PDE11A: variants seen among roughly 807,000 people sequenced by gnomAD.
PDE11A encodes the protein phosphodiesterase 11A.
A neutral mutation model predicts 100.5 loss-of-function variants in PDE11A; 100 were observed. The ratio of observed to expected loss-of-function variants is 1.00; its 90% confidence interval spans 0.85 to 1.18. PDE11A has a LOEUF of 1.18. Among genes scored for constraint, PDE11A ranks in the 50% most tolerant of loss-of-function variants. The pLI, the probability that PDE11A is intolerant of heterozygous loss-of-function variation, is 0.00. For missense variants in PDE11A, 1,141 were observed against 1,152.6 expected (o/e 0.99, Z 0.15); for synonymous variants, 381 against 420.8 (o/e 0.91, Z 1.16).
At chr2:177,654,247 C>A (rs908328350) in intron 19 of PDE11A, among the ~76,000 whole-genome samples, 7 of 152,290 alleles carry the variant, frequency 4.6e-5, no homozygotes, top group South Asian at 2.1e-4. Flanking sequence ...AAGTTGGATG[C>A]GGTGGCTCAT....
At chr2:177,803,805 A>G (rs1362948313) in intron 9 of PDE11A, among the ~76,000 whole-genome samples, 1 of 152,042 alleles carries the variant, frequency 6.6e-6, no homozygotes, top group East Asian at 1.9e-4. Flanking sequence ...ACATACCTCA[A>G]CATAATAAAA....
At chr2:177,936,854 G>A (rs978254537) in intron 2 of PDE11A, among the ~76,000 whole-genome samples, 1 of 152,044 alleles carries the variant, frequency 6.6e-6, no homozygotes, top group African/African-American at 2.4e-5. Context: ...CCAAGAGGTG[G>A]GAGGTTGCAG....
chr2:177,829,957 G>T (rs1025542121), intron 6 of PDE11A, among the ~76,000 whole-genome samples: 1 of 152,064 alleles, frequency 6.6e-6, no homozygotes, highest in East Asian at 1.9e-4. Flanking sequence ...AAGCCACTCC[G>T]GACATGAGGT....
At chr2:177,693,770 T>C (rs1374694226) in intron 15 of PDE11A, among the ~76,000 whole-genome samples, 1 of 152,238 alleles carries the variant, frequency 6.6e-6, no homozygotes, top group Non-Finnish European at 1.5e-5. Context: ...GTTTTACCAA[T>C]AATGAGTTAT....
intron 9 of PDE11A, among the ~76,000 whole-genome samples, chr2:177,780,359 T>C (rs548679909): frequency 1.5e-4 from 23 of 152,310 alleles, no homozygotes; most frequent in Admixed American, 3.3e-4. Flanking sequence ...TAGCTGGGAC[T>C]ACAGGTGTAC....
At chr2:178,046,715 T>C (rs952682510) in intron 1 of PDE11A, among the ~76,000 whole-genome samples, 3 of 152,204 alleles carry the variant, frequency 2.0e-5, no homozygotes, top group Admixed American at 6.5e-5. Context: ...AGTTCCCTTG[T>C]AGATTCTCTT....
intron 9 of PDE11A, among the ~76,000 whole-genome samples, chr2:177,778,306 C>T (rs890086305): frequency 6.6e-6 from 1 of 152,168 alleles, no homozygotes. Flanking sequence ...CCTCTTGCAC[C>T]AATTGTCTTG....
chr2:177,812,709 TATGGAGAAAGAG>T (rs2105572344), intron 9 of PDE11A, among the ~76,000 whole-genome samples: 1 of 152,126 alleles, frequency 6.6e-6, no homozygotes, highest in South Asian at 2.1e-4. Context: ...GGGAAATACC[TATGGAGAAAGAG>T]ATGCCCCTTG....
intron 5 of PDE11A, among the ~76,000 whole-genome samples, chr2:177,858,810 A>G (rs563945015): frequency 2.6e-5 from 4 of 152,098 alleles, no homozygotes; most frequent in Non-Finnish European, 4.4e-5. Context: ...TGTTTACTGC[A>G]GCACTATTCA....
At chr2:178,024,929 C>A (rs1012227838) in intron 1 of PDE11A, among the ~76,000 whole-genome samples, 14 of 152,152 alleles carry the variant, frequency 9.2e-5, no homozygotes, top group African/African-American at 2.7e-4. Context: ...ATTATTCTTA[C>A]TTTCTTCATA....
At chr2:177,755,462 G>T (rs1029674705) in intron 10 of PDE11A, among the ~76,000 whole-genome samples, 18 of 152,188 alleles carry the variant, frequency 1.2e-4, no homozygotes, top group African/African-American at 4.3e-4. Context: ...AGGGCATGGG[G>T]TCATGCAAAA....
At chr2:177,674,155 T>C (rs570172317) in intron 17 of PDE11A, among the ~76,000 whole-genome samples, 58 of 152,368 alleles carry the variant, frequency 3.8e-4, no homozygotes, top group African/African-American at 1.3e-3. Context: ...TGCTAGAATC[T>C]ATACCTAGCT....
At chr2:177,730,351 T>C (rs2105450530) in intron 10 of PDE11A, among the ~76,000 whole-genome samples, 1 of 152,312 alleles carries the variant, frequency 6.6e-6, no homozygotes, top group East Asian at 1.9e-4. Flanking sequence ...CTTTTCTTAA[T>C]TGGAAAATTA....
chr2:177,920,494 G>A (rs1304611004), intron 2 of PDE11A, among the ~76,000 whole-genome samples: 1 of 151,926 alleles, frequency 6.6e-6, no homozygotes, highest in African/African-American at 2.4e-5. Flanking sequence ...CTACTATATT[G>A]ACAAATATTA....
At chr2:177,872,748 C>T (rs866239765) in intron 5 of PDE11A, among the ~76,000 whole-genome samples, 1 of 152,132 alleles carries the variant, frequency 6.6e-6, no homozygotes, top group African/African-American at 2.4e-5. Flanking sequence ...AAAGATCAGA[C>T]TGTGAGATCA....
At chr2:177,758,112 C>T (rs1265690050) in intron 10 of PDE11A, among the ~76,000 whole-genome samples, 21 of 149,476 alleles carry the variant, frequency 1.4e-4, no homozygotes, top group Admixed American at 7.3e-4. Context: ...CTGGCTAACA[C>T]GGTGAAACCC....
chr2:177,875,966 T>C (rs764473436), intron 4 of PDE11A, 43 bp from the exon 5 acceptor site: 33 of 1,100,650 alleles, frequency 3.0e-5, no homozygotes, highest in Non-Finnish European at 4.5e-5. Flanking sequence ...ATTAAAGCTT[T>C]ATTGCCGTTT....
chr2:178,003,722 T>C (rs2086171999), intron 2 of PDE11A, among the ~76,000 whole-genome samples: 1 of 152,192 alleles, frequency 6.6e-6, no homozygotes, highest in South Asian at 2.1e-4. Context: ...GTATGGTATG[T>C]GAATTATATC....
intron 9 of PDE11A, among the ~76,000 whole-genome samples, chr2:177,778,904 T>G (rs1232553219): frequency 1.3e-5 from 2 of 152,216 alleles, no homozygotes; most frequent in South Asian, 2.1e-4. Context: ...TCTGTTATCA[T>G]GACCTTCAGA....
Sources: gnomAD v4.1 joint callset for allele counts (sites outside exome capture counted in the v4.1 genomes callset) on GRCh38, gnomAD v4.1.1 for gene constraint, MANE v1.5 for transcripts, NCBI Gene and HGNC (gene_info 2026-07-23, HGNC 2026-07-21) for gene names.